The following PITPNC1 variants were observed in gnomAD, a reference collection of about 807,000 sequenced individuals.
PITPNC1 encodes cytoplasmic phosphatidylinositol transfer protein 1.
Under a neutral mutation model 44.7 loss-of-function variants are expected in PITPNC1, and 18 were observed. The ratio of observed to expected loss-of-function variants is 0.40; its 90% CI spans 0.28 to 0.60. The LOEUF (loss-of-function observed/expected upper bound fraction) is 0.60. Ranked by LOEUF, PITPNC1 falls within the 20% of genes least tolerant of loss-of-function variation. The pLI, the probability that PITPNC1 is intolerant of heterozygous loss-of-function variation, is 0.39. For synonymous variants in PITPNC1, 141 were observed against 149.6 expected (o/e 0.94, Z 0.42); for missense variants, 290 against 418.4 (o/e 0.69, Z 2.68).
chr17:67,576,353 G>A (rs1206691799), intron 4 of PITPNC1, among the ~76,000 whole-genome samples: 2 of 152,136 alleles, frequency 1.3e-5, no homozygotes, highest in African/African-American at 4.8e-5. Flanking sequence ...TTAAAGCAGG[G>A]GGGGATGGTA....
At chr17:67,473,278 AC>A (rs1311738090) in intron 1 of PITPNC1, among the ~76,000 whole-genome samples, 2 of 151,614 alleles carry the variant, frequency 1.3e-5, no homozygotes, top group East Asian at 3.9e-4. Context: ...CAAGCTGTCT[AC>A]CCACCTCGGC....
rs553524752 is a variant in PITPNC1, at chr17:67,614,129, C to T, written c.367-18014C>T. Among the ~76,000 whole-genome samples the T allele has an allele frequency of 4.0e-5, 6 of 151,482 alleles. No individual in the cohort carries two copies. The East Asian group carries it at 7.8e-4, about 20-fold the overall frequency. On this transcript the variant is annotated intron_variant, in intron 5 of 8. Transcript: ENST00000581322. ...AAGAAAAAGAAAAAAGAGCGCTAGGCTTGTGGGTGCTTTCCCTTCCTTGGT... is the reference window on the plus strand; with the variant it reads ...AAGAAAAAGAAAAAAGAGCGCTAGGTTTGTGGGTGCTTTCCCTTCCTTGGT...
At chr17:67,590,942 A>C (rs1045190098) in intron 5 of PITPNC1, among the ~76,000 whole-genome samples, 7 of 151,712 alleles carry the variant, frequency 4.6e-5, no homozygotes, top group Non-Finnish European at 4.4e-5. Context: ...AACAAGAGCG[A>C]AACTCTGTCT....
At chr17:67,490,219 C>G (rs2039844545) in intron 1 of PITPNC1, among the ~76,000 whole-genome samples, 1 of 148,514 alleles carries the variant, frequency 6.7e-6, no homozygotes, top group Non-Finnish European at 1.5e-5. Flanking sequence ...AATGAGGATG[C>G]ATTATGTAAC....
chr17:67,657,200 C>T (rs1342302262), intron 6 of PITPNC1, among the ~76,000 whole-genome samples: 6 of 146,046 alleles, frequency 4.1e-5, no homozygotes, highest in African/African-American at 1.3e-4. Context: ...GTTTTTGGCT[C>T]ATCTTCATTC....
At chr17:67,582,588 A>G (rs997615590) in intron 5 of PITPNC1, among the ~76,000 whole-genome samples, 1 of 152,020 alleles carries the variant, frequency 6.6e-6, no homozygotes, top group African/African-American at 2.4e-5. Context: ...ATCTAGTAAA[A>G]AAAAAAAAAA....
chr17:67,503,209 G>T (rs376304174), intron 1 of PITPNC1, among the ~76,000 whole-genome samples: 22 of 131,682 alleles, frequency 1.7e-4, no homozygotes, highest in African/African-American at 6.2e-4. Flanking sequence ...TTATTGAGAA[G>T]TAAGTCTACA....
intron 4 of PITPNC1, among the ~76,000 whole-genome samples, chr17:67,564,456 C>T (rs1286997618): frequency 6.6e-6 from 1 of 152,096 alleles, no homozygotes; most frequent in Non-Finnish European, 1.5e-5. Context: ...TTTGCCTTTC[C>T]TCTGTATTGG....
intron 1 of PITPNC1, among the ~76,000 whole-genome samples, chr17:67,417,992 G>A (rs557914936): frequency 5.9e-5 from 9 of 152,250 alleles, no homozygotes; most frequent in East Asian, 3.9e-4. Flanking sequence ...TGCAGTGGAC[G>A]TCCAGCCACT....
intron 1 of PITPNC1, among the ~76,000 whole-genome samples, chr17:67,388,880 A>T (rs1238228102): frequency 2.0e-5 from 3 of 152,190 alleles, no homozygotes; most frequent in Non-Finnish European, 4.4e-5. Context: ...TCGGCCTCCC[A>T]AAGTGAGCCA....
chr17:67,560,779 T>G (rs908174620), intron 4 of PITPNC1, among the ~76,000 whole-genome samples: 2 of 152,210 alleles, frequency 1.3e-5, no homozygotes, highest in Admixed American at 1.3e-4. Context: ...TTCAGCCATT[T>G]TGAGGGGAAA....
At chr17:67,408,678 C>CT (rs1467488687) in intron 1 of PITPNC1, 13 of 13,080 alleles carry the variant, frequency 9.9e-4, no homozygotes, top group African/African-American at 1.7e-3. Flanking sequence ...CTTTCTCTTT[C>CT]TTCCTTCCTT....
chr17:67,425,203 G>GCGCACACA lies in PITPNC1; in HGVS notation c.48+47002_48+47003insGCACACAC, dbSNP rs1370190915. ...CCATGTTGTGCGCGCGCACGCACAC[G>GCGCACACA]CACACACACACACACACACACACAC... is the stretch of plus-strand genomic sequence containing the variant. On this transcript the variant is annotated intron_variant, in intron 1 of 8. Transcript: ENST00000581322. Among the ~76,000 whole-genome samples, 29 of 98,822 alleles carry GCGCACACA rather than the reference G, an allele frequency of 2.9e-4. 3 individuals carry two copies. Among genetic ancestry groups the GCGCACACA allele is most frequent in the South Asian group, 2.4e-3 (6 of 2,508 alleles). 64.8% of individuals were successfully genotyped at this position (98,822 alleles called of 152,430 possible).
Position 67,391,732 on chromosome 17 carries a change from C to T in PITPNC1, c.48+13530C>T, listed in dbSNP as rs540710724. ...CTGACCTCAGGTGATCTGCTCACCT[C>T]GGCCTCTCAAAGTGTTGGGATTACA... On this transcript the variant is annotated intron_variant, in intron 1 of 8. Coordinates refer to ENST00000581322, the MANE Select transcript of PITPNC1 (RefSeq NM_012417.4). 3.3e-5 allele frequency among the ~76,000 whole-genome samples: 5 copies of T among 152,204 alleles called. No homozygotes were observed. The East Asian group carries it at 5.8e-4, about 18-fold the overall frequency.
chr17:67,463,340 T>A lies in PITPNC1; in HGVS notation c.49-69462T>A, dbSNP rs199791984. ...TAAACTTATGTGCATTATTGATTAA[T>A]CACTTAATTGAATTGGTGGGATATA... On this transcript the variant is annotated intron_variant, in intron 1 of 8. Transcript: ENST00000581322. Among the ~76,000 whole-genome samples the A allele has an allele frequency of 8.5e-5, 13 of 152,344 alleles. No homozygotes were observed. The East Asian group carries it at 2.5e-3, about 29-fold the overall frequency.
chr17:67,392,300 C>T (rs1389385606), intron 1 of PITPNC1, among the ~76,000 whole-genome samples: 1 of 152,194 alleles, frequency 6.6e-6, no homozygotes, highest in Non-Finnish European at 1.5e-5. Context: ...AAGATGGCTG[C>T]GCCTTGGAAA....
intron 6 of PITPNC1, among the ~76,000 whole-genome samples, chr17:67,636,518 AG>A (rs1374132401): frequency 2.0e-5 from 3 of 152,286 alleles, no homozygotes; most frequent in Admixed American, 6.5e-5. Context: ...GTGACCTCCC[AG>A]GGGATCTGCT....
intron 1 of PITPNC1, among the ~76,000 whole-genome samples, chr17:67,481,130 C>T (rs1450352461): frequency 6.6e-6 from 1 of 152,256 alleles, no homozygotes; most frequent in Non-Finnish European, 1.5e-5. Flanking sequence ...TCCCTTGAAC[C>T]CAGGAGGCGG....
At chr17:67,491,389 G>C (rs910497106) in intron 1 of PITPNC1, among the ~76,000 whole-genome samples, 1 of 152,222 alleles carries the variant, frequency 6.6e-6, no homozygotes, top group African/African-American at 2.4e-5. Context: ...TCTGGGTGCA[G>C]GGCACTGCTG....
Sources: allele counts gnomAD v4.1 joint callset (sites outside exome capture counted in the v4.1 genomes callset), GRCh38; gene constraint gnomAD v4.1.1; transcripts MANE v1.5; gene names NCBI Gene and HGNC (gene_info 2026-07-23, HGNC 2026-07-21).